SV2C: variants seen among roughly 807,000 people sequenced by gnomAD.
SV2C encodes solute carrier family 22 member B3.
In SV2C, 49 loss-of-function variants were observed where a neutral mutation model predicts 79.7. The observed-to-expected ratio is 0.61, with a 90% CI of 0.49 to 0.78. The LOEUF is 0.78. SV2C is among the 30% of genes least tolerant of loss of function. SV2C has a pLI of 0.00. For synonymous variants in SV2C, 334 were observed against 333.2 expected, an observed-to-expected ratio of 1.00 and a Z score of -0.03; for missense variants, 833 against 912.9, an observed-to-expected ratio of 0.91 and a Z score of 1.13.
the SV2C span, among the ~76,000 whole-genome samples, chr5:75,934,357 G>A: frequency 7.3e-6 from 1 of 137,040 alleles, no homozygotes. Context: ...CGCGATCTCG[G>A]CTCCCTGCAA....
chr5:75,967,716 G>C, the SV2C span, among the ~76,000 whole-genome samples: 2 of 152,260 alleles, frequency 1.3e-5, no homozygotes, highest in Non-Finnish European at 2.9e-5. Flanking sequence ...AAGGAGGCCT[G>C]CCTGCCTCTG....
intron 4 of SV2C, among the ~76,000 whole-genome samples, chr5:76,280,475 G>T (rs1222241440): frequency 6.6e-6 from 1 of 152,160 alleles, no homozygotes; most frequent in Non-Finnish European, 1.5e-5. Flanking sequence ...AAAACCGCCC[G>T]ACTGGAATCA....
the SV2C span, among the ~76,000 whole-genome samples, chr5:75,957,389 T>C: frequency 6.6e-6 from 1 of 152,044 alleles, no homozygotes; most frequent in Non-Finnish European, 1.5e-5. Context: ...ACCAATTGCT[T>C]CAATGGCAAT....
chr5:76,249,073 T>C (rs566603809), intron 4 of SV2C, among the ~76,000 whole-genome samples: 1 of 152,324 alleles, frequency 6.6e-6, no homozygotes, highest in East Asian at 1.9e-4. Context: ...TAAAAATATT[T>C]ATATCCTTAA....
chr5:76,154,905 G>T (rs1249620842), intron 2 of SV2C, among the ~76,000 whole-genome samples: 1 of 152,204 alleles, frequency 6.6e-6, no homozygotes, highest in East Asian at 1.9e-4. Flanking sequence ...GGGAAAAAGA[G>T]CAGGTAGTAG....
the SV2C span, among the ~76,000 whole-genome samples, chr5:75,881,323 C>T: frequency 6.6e-6 from 1 of 152,136 alleles, no homozygotes; most frequent in Non-Finnish European, 1.5e-5. Flanking sequence ...CCTTGGTTTG[C>T]TGTGAAGTTT....
At chr5:76,254,154 ATATATATGTGTGTGTGTG>A (rs1311701632) in intron 4 of SV2C, among the ~76,000 whole-genome samples, 3 of 148,904 alleles carry the variant, frequency 2.0e-5, no homozygotes, top group Admixed American at 6.7e-5. Flanking sequence ...TTATATATAT[ATATATATGTGTGTGTGTG>A]TATATATATG....
chr5:76,316,985 C>T (rs1748646032), intron 12 of SV2C, among the ~76,000 whole-genome samples: 1 of 151,858 alleles, frequency 6.6e-6, no homozygotes, highest in Non-Finnish European at 1.5e-5. Context: ...GTCTCTGGAG[C>T]TTAGTGCAGT....
At chr5:75,955,307 T>C in the SV2C span, among the ~76,000 whole-genome samples, 2 of 149,076 alleles carry the variant, frequency 1.3e-5, no homozygotes, top group East Asian at 3.9e-4. Context: ...GGATTTCCTA[T>C]TTAATAAATG....
intron 1 of SV2C, among the ~76,000 whole-genome samples, chr5:76,105,426 C>CT (rs1747879175): frequency 6.6e-6 from 1 of 152,134 alleles, no homozygotes; most frequent in Non-Finnish European, 1.5e-5. Flanking sequence ...AGCTAGCACC[C>CT]TTTTTTAAAC....
At chr5:76,144,815 T>C (rs1481613353) in intron 2 of SV2C, among the ~76,000 whole-genome samples, 1 of 140,754 alleles carries the variant, frequency 7.1e-6, no homozygotes, top group Non-Finnish European at 1.6e-5. Flanking sequence ...TACAGTCAGA[T>C]TGATAGGAGG....
intron 4 of SV2C, among the ~76,000 whole-genome samples, chr5:76,227,933 C>T (rs1579963129): frequency 6.6e-6 from 1 of 152,218 alleles, no homozygotes; most frequent in African/African-American, 2.4e-5. Context: ...GGAGCTTACA[C>T]GCGGGCCAGC....
chr5:76,058,236 C>A, the SV2C span, among the ~76,000 whole-genome samples: 1 of 152,088 alleles, frequency 6.6e-6, no homozygotes, highest in Non-Finnish European at 1.5e-5. Flanking sequence ...TTAATTGAAA[C>A]GACCATGAAT....
chr5:75,875,454 G>A, the SV2C span, among the ~76,000 whole-genome samples: 1 of 152,146 alleles, frequency 6.6e-6, no homozygotes, highest in African/African-American at 2.4e-5. Flanking sequence ...AGACTTAAAT[G>A]TAAAACCCAA....
intron 2 of SV2C, among the ~76,000 whole-genome samples, chr5:76,167,852 A>G (rs1025169828): frequency 6.6e-6 from 1 of 152,204 alleles, no homozygotes; most frequent in African/African-American, 2.4e-5. Context: ...CCAACCTAGA[A>G]GAGGCACTTT....
chr5:76,230,696 G>A (rs113625329), intron 4 of SV2C, among the ~76,000 whole-genome samples: 17,840 of 151,934 alleles, frequency 0.12, 3,071 homozygotes, highest in African/African-American at 0.38. Context: ...GGCTGAGACA[G>A]GAGAATGGCT....
the SV2C span, chr5:75,911,719 A>G: frequency 1.5e-6 from 1 of 662,772 alleles, no homozygotes; most frequent in Non-Finnish European, 2.9e-6. Flanking sequence ...GGCAAAGAAG[A>G]TGGAAGACAA....
chr5:75,918,296 A>G, the SV2C span, among the ~76,000 whole-genome samples: 3 of 152,238 alleles, frequency 2.0e-5, no homozygotes, highest in African/African-American at 7.2e-5. Flanking sequence ...ACGATTGCAG[A>G]CAAATTTCTT....
intron 1 of SV2C, among the ~76,000 whole-genome samples, chr5:76,098,744 C>G (rs1331571398): frequency 6.6e-6 from 1 of 152,166 alleles, no homozygotes; most frequent in Non-Finnish European, 1.5e-5. Context: ...GGTTAACATC[C>G]ACTTCCCAGA....
Sources: gnomAD v4.1 joint callset for allele counts (sites outside exome capture counted in the v4.1 genomes callset) on GRCh38, gnomAD v4.1.1 for gene constraint, MANE v1.5 for transcripts, NCBI Gene and HGNC (gene_info 2026-07-23, HGNC 2026-07-21) for gene names.